CLTC: variants seen among roughly 807,000 people sequenced by gnomAD.
CLTC encodes the protein clathrin heavy chain 1.
In CLTC, 16 loss-of-function variants were observed where a neutral mutation model predicts 195.8. That is an observed-to-expected ratio of 0.08 (90% confidence interval 0.06 to 0.12). CLTC has a LOEUF of 0.12. CLTC is among the 10% of genes least tolerant of loss of function. The probability of loss-of-function intolerance (pLI) is 1.00; values close to 1 mark genes in which losing one functional copy is unlikely to be tolerated. For synonymous variants in CLTC, 667 were observed against 689.4 expected (o/e 0.97, Z 0.51); for missense variants, 796 against 2,027.0 (o/e 0.39, Z 11.66).
chr17:59,643,358 T>C (rs947740782), intron 1 of CLTC, among the ~76,000 whole-genome samples: 1 of 152,186 alleles, frequency 6.6e-6, no homozygotes, highest in African/African-American at 2.4e-5. Context: ...AACAAGTGAC[T>C]TTTGTTCTTA....
At chr17:59,645,196 C>T (rs1376772653) in intron 2 of CLTC, among the ~76,000 whole-genome samples, 5 of 151,906 alleles carry the variant, frequency 3.3e-5, no homozygotes. Flanking sequence ...GATAAACTTG[C>T]CTTTGATTCT....
intron 18 of CLTC, among the ~76,000 whole-genome samples, chr17:59,679,872 CAGCCTGGCCAACGT>C (rs914731820): frequency 1.3e-5 from 2 of 151,850 alleles, no homozygotes; most frequent in African/African-American, 4.8e-5. Flanking sequence ...AGTTCGAGAC[CAGCCTGGCCAACGT>C]AGTAAAACCC....
At position 59,673,698 on chromosome 17, in the gene CLTC, G is replaced by T; in HGVS notation, c.2344G>T (p.Asp782Tyr). 1 of 1,606,136 alleles carries T rather than the reference G, an allele frequency of 6.2e-7. No homozygotes were observed. Among genetic ancestry groups the T allele is most frequent in the South Asian group, 1.1e-5 (1 of 90,890 alleles). Residue 782 changes from aspartate (D) to tyrosine (Y), a missense_variant, in exon 15 of 32, where the codon GAC becomes TAC. Transcript: ENST00000269122. ...LPLIIVCDRF[D>Y]FVHDLVLYLY... is the part of the protein sequence containing the mutation. ...ACTTATCATTGTGTGTGATCGATTT[G>T]ACTTTGTCCATGATTTGGTGCTCTA... is the stretch of plus-strand genomic sequence containing the variant.
At chr17:59,639,330 AGT>A (rs2031961035) in intron 1 of CLTC, among the ~76,000 whole-genome samples, 1 of 152,210 alleles carries the variant, frequency 6.6e-6, no homozygotes, top group Non-Finnish European at 1.5e-5. Context: ...GTAAGATTTT[AGT>A]GCTTTACTGT....
Position 59,686,688 on chromosome 17 carries a change from T to C in CLTC, c.4827+880T>C, listed in dbSNP as rs187819010. On this transcript the variant is annotated intron_variant, in intron 30 of 31. Transcript: ENST00000269122. ...CATGTTGCCTTATCTTAGCCATAGA[T>C]GAGAATAGCTTCTTAAACATAATGC... 1.5e-4 allele frequency among the ~76,000 whole-genome samples: 23 copies of C among 152,364 alleles called. No individual in the cohort carries two copies. In the East Asian group the frequency reaches 4.2e-3, roughly 28 times the overall value.
chr17:59,685,201 T>G lies in CLTC; in HGVS notation c.4580T>G (p.Leu1527Arg). 6.3e-7 allele frequency: 1 copy of G among 1,597,988 alleles called. No homozygotes were observed. Among genetic ancestry groups the G allele is most frequent in the Non-Finnish European group, 8.6e-7 (1 of 1,169,534 alleles). Reference protein sequence around the residue: ...GNNRWKQSVELCKKDSLYKDA... With the variant: ...GNNRWKQSVERCKKDSLYKDA... ...AATCGCTGGAAACAGAGTGTAGAGCTGTGCAAGAAAGACAGCCTTTACAAG... is the reference window on the plus strand; with the variant it reads ...AATCGCTGGAAACAGAGTGTAGAGCGGTGCAAGAAAGACAGCCTTTACAAG... Residue 1527 changes from leucine (L) to arginine (R), a missense_variant, in exon 29 of 32, where the codon CTG becomes CGG. By Grantham distance (102) the Leu-to-Arg change is moderately radical. Around this residue, in one of 9 missense-constraint regions of CLTC, gnomAD observed 148 missense variants for 279.5 expected, o/e 0.53. Coordinates refer to ENST00000269122, the MANE Select transcript of CLTC (RefSeq NM_004859.4). This position sits in a 1 kb window ranked among gnomAD's most constrained non-coding sequence, Gnocchi z 5.0.
intron 1 of CLTC, among the ~76,000 whole-genome samples, chr17:59,635,711 CTT>C (rs1281285131): frequency 2.6e-5 from 4 of 152,196 alleles, no homozygotes; most frequent in African/African-American, 9.7e-5. Flanking sequence ...ACCATGGCCT[CTT>C]TGGTCCTCTT....
intron 9 of CLTC, 74 bp from the exon 10 acceptor site, chr17:59,664,713 T>A: frequency 3.3e-6 from 5 of 1,514,276 alleles, no homozygotes; most frequent in Middle Eastern, 1.8e-4. Flanking sequence ...AGTGAGATTT[T>A]ATAGTAGAAA....
At chr17:59,664,687 C>G in intron 9 of CLTC, 100 bp from the exon 10 acceptor site, 1 of 1,253,922 alleles carries the variant, frequency 8.0e-7, no homozygotes. Flanking sequence ...TGTGCTTTCA[C>G]CAGTAGTTCT....
rs199946332 is a variant in CLTC, at chr17:59,682,591, A to C, written c.3601-38A>C. ...TTGAAAAGAGGATTAAGCTCACACT[A>C]ATATCTTGCTGAATGTGGGTTACCT... On this transcript the variant is annotated intron_variant, in intron 22 of 31. Coordinates refer to ENST00000269122, the MANE Select transcript of CLTC (RefSeq NM_004859.4). The surrounding 1 kb of genome is among the most constrained non-coding windows in gnomAD (Gnocchi z 6.8). The C allele has an allele frequency of 1.8e-3, 2,835 of 1,609,352 alleles. 11 individuals carry two copies. The highest frequency in any genetic ancestry group is 0.018 in the Middle Eastern group (106 of 6,042).
intron 1 of CLTC, among the ~76,000 whole-genome samples, chr17:59,627,694 A>T (rs1188090863): frequency 6.6e-6 from 1 of 152,138 alleles, no homozygotes; most frequent in Non-Finnish European, 1.5e-5. Context: ...TTTTTTAAGG[A>T]CTTTATCCTG....
At chr17:59,678,147 T>C (rs1487632268) in intron 17 of CLTC, among the ~76,000 whole-genome samples, 1 of 152,244 alleles carries the variant, frequency 6.6e-6, no homozygotes, top group Non-Finnish European at 1.5e-5. Flanking sequence ...AGATTTAGAT[T>C]ATACATTTCC....
At chr17:59,670,646 T>A (rs1385289479) in intron 14 of CLTC, among the ~76,000 whole-genome samples, 2 of 152,218 alleles carry the variant, frequency 1.3e-5, no homozygotes, top group Non-Finnish European at 2.9e-5. Flanking sequence ...TTCTTTAGCT[T>A]TGGATTTTAA....
chr17:59,638,792 C>T (rs4433858), intron 1 of CLTC, among the ~76,000 whole-genome samples: 117,639 of 152,020 alleles, frequency 0.77, 46,524 homozygotes, highest in East Asian at 0.93. Context: ...CAGTTGCTAA[C>T]GGAATACTGG....
In CLTC at chr17:59,685,481, C is replaced by T. The variant is rs909902111; in HGVS notation, c.4606-106C>T. 3.8e-6 allele frequency: 4 copies of T among 1,063,376 alleles called. No individual in the cohort carries two copies. Among genetic ancestry groups the T allele is most frequent in the Non-Finnish European group, 2.7e-6 (2 of 743,790 alleles). The allele number at this position is 1,063,376 out of a possible 1,614,324, so 65.9% of individuals were successfully genotyped here. On this transcript the variant is annotated intron_variant, in intron 29 of 31. Transcript: ENST00000269122. The surrounding 1 kb of genome is among the most constrained non-coding windows in gnomAD (Gnocchi z 5.0). ...TGATACAACTAGGAGGCTTTTTTCC[C>T]CTTGCAAAACCAGATTTATATTGGA...
At chr17:59,678,426 A>C (rs949056744) in intron 17 of CLTC, among the ~76,000 whole-genome samples, 37 of 152,212 alleles carry the variant, frequency 2.4e-4, no homozygotes, top group African/African-American at 8.4e-4. Flanking sequence ...AAAATTTTTC[A>C]AACTCCAGCA....
chr17:59,670,620 A>G (rs1374861804), intron 14 of CLTC, among the ~76,000 whole-genome samples: 1 of 152,076 alleles, frequency 6.6e-6, no homozygotes, highest in Non-Finnish European at 1.5e-5. Context: ...CTCAGCTTCT[A>G]TGCTTAAATT....
intron 13 of CLTC, 106 bp downstream of exon 13, chr17:59,667,083 C>A (rs1428836424): frequency 1.2e-6 from 1 of 804,014 alleles, no homozygotes; most frequent in African/African-American, 1.7e-5. Context: ...AAATTTGGTT[C>A]TATGGGACAT....
At chr17:59,635,839 T>C (rs963272701) in intron 1 of CLTC, among the ~76,000 whole-genome samples, 2 of 152,230 alleles carry the variant, frequency 1.3e-5, no homozygotes, top group Non-Finnish European at 2.9e-5. Context: ...TTTAGGAGCA[T>C]GTGAACAAAG....
Sources: gnomAD v4.1 joint callset for allele counts (sites outside exome capture counted in the v4.1 genomes callset) on GRCh38, gnomAD v4.1.1 for gene constraint, gnomAD v4.1.1 regional missense constraint, Gnocchi (gnomAD v3.1) non-coding constraint, MANE v1.5 for transcripts, NCBI Gene and HGNC (gene_info 2026-07-23, HGNC 2026-07-21) for gene names.